The following STOX2 variants were observed in gnomAD, a reference collection of about 807,000 sequenced individuals.
STOX2 encodes the protein storkhead-box protein 2.
STOX2 carries 28 observed loss-of-function variants against 60.9 expected under a neutral mutation model. The observed-to-expected ratio is 0.46, with a 90% confidence interval of 0.34 to 0.63. STOX2 has a LOEUF of 0.63. Among genes scored for constraint, STOX2 ranks in the 30% least tolerant of loss-of-function variants. The pLI is 0.01. For missense variants in STOX2, 1,024 were observed against 1,187.7 expected (o/e 0.86, Z 2.03); for synonymous variants, 472 against 463.9 (o/e 1.02, Z -0.22).
At position 184,011,178 on chromosome 4, in the gene STOX2, C is replaced by T. The variant is rs369886997; in HGVS notation, c.2340C>T (p.Asp780=). ...ACTATTACAACGTCTCTGATGATGA[C>T]GACTCTGAGGAAGGGGCAAACAAGA... is the stretch of plus-strand genomic sequence containing the variant. ...SFDYYNVSDD[D]DSEEGANKNT... The change falls in exon 3 of 4, where the codon GAC becomes GAT. Residue 780 remains aspartate, a synonymous_variant. Coordinates refer to ENST00000308497, the MANE Select transcript of STOX2 (RefSeq NM_020225.3). The surrounding 1 kb of genome is among the most constrained non-coding windows in gnomAD (Gnocchi z 4.4). 4.7e-5 allele frequency: 74 copies of T among 1,588,926 alleles called. No individual in the cohort carries two copies. The highest frequency in any genetic ancestry group is 5.6e-5 in the Non-Finnish European group (66 of 1,169,512).
At chr4:183,946,543 A>G (rs1351492360) in intron 1 of STOX2, among the ~76,000 whole-genome samples, 1 of 152,162 alleles carries the variant, frequency 6.6e-6, no homozygotes, top group African/African-American at 2.4e-5. Flanking sequence ...TATTTGGAAA[A>G]AAAGGCGTTC....
At chr4:183,977,015 T>C (rs977966616) in intron 1 of STOX2, among the ~76,000 whole-genome samples, 8 of 152,138 alleles carry the variant, frequency 5.3e-5, no homozygotes, top group African/African-American at 1.9e-4. Context: ...GTCTGGAAAA[T>C]AGTTCAGTAG....
intron 3 of STOX2, among the ~76,000 whole-genome samples, chr4:184,013,095 A>C: frequency 6.6e-6 from 1 of 152,140 alleles, no homozygotes; most frequent in Non-Finnish European, 1.5e-5. Context: ...GCTCGTTTTA[A>C]ACCTTTCTCC....
rs186571853 is a variant in STOX2 at position 183,872,720 on chromosome 4, T to C, written c.364+74665T>C. Among the ~76,000 whole-genome samples the C allele has an allele frequency of 2.7e-3, 409 of 152,198 alleles. 1 individual carries two copies. Among genetic ancestry groups the C allele is most frequent in the Non-Finnish European group, 3.6e-3 (248 of 67,998 alleles). On this transcript the variant is annotated intron_variant, in intron 1 of 2. Transcript: ENST00000513034. ...TGCTTTGGGCCAATAGCTGAGTAAA[T>C]AAACAAGATAAACCCACGTAAATTG... is the stretch of plus-strand genomic sequence containing the variant.
intron 1 of STOX2, among the ~76,000 whole-genome samples, chr4:183,839,448 T>C (rs1413446254): frequency 6.6e-6 from 1 of 152,194 alleles, no homozygotes; most frequent in Non-Finnish European, 1.5e-5. Flanking sequence ...AACAAAAGTT[T>C]ATTTTTACTC....
At chr4:183,908,118 C>T (rs1264356246) in intron 1 of STOX2, among the ~76,000 whole-genome samples, 3 of 152,150 alleles carry the variant, frequency 2.0e-5, no homozygotes, top group Admixed American at 1.3e-4. Flanking sequence ...CGCATTTCCA[C>T]GAACATAAAG....
At chr4:183,869,667 A>G (rs1267688303) in intron 1 of STOX2, among the ~76,000 whole-genome samples, 1 of 152,210 alleles carries the variant, frequency 6.6e-6, no homozygotes, top group East Asian at 1.9e-4. Context: ...TGGCTTCACT[A>G]ATTCTAAATT....
chr4:183,902,825 G>A (rs1440196880), upstream of STOX2, among the ~76,000 whole-genome samples: 1 of 152,154 alleles, frequency 6.6e-6, no homozygotes, highest in Non-Finnish European at 1.5e-5. Context: ...CATCTGATCC[G>A]ATTCAGCTAA....
At chr4:183,997,248 C>T (rs900772306) in intron 1 of STOX2, among the ~76,000 whole-genome samples, 8 of 152,196 alleles carry the variant, frequency 5.3e-5, no homozygotes, top group African/African-American at 1.4e-4. Flanking sequence ...CATGAAAAGC[C>T]AGTCTTGAAA....
chr4:183,865,524 T>G lies in STOX2; in HGVS notation c.364+67469T>G, dbSNP rs1245695512. ...GGGAGATAAGTATTATAATACAATTTAATAAAAGACCTTGTTAGTAGTATC... is the reference window on the plus strand; with the variant it reads ...GGGAGATAAGTATTATAATACAATTGAATAAAAGACCTTGTTAGTAGTATC... On this transcript the variant is annotated intron_variant, in intron 1 of 2. Transcript: ENST00000513034. This position sits in a 1 kb window ranked among gnomAD's most constrained non-coding sequence, Gnocchi z 4.1. Among the ~76,000 whole-genome samples, 1 of 152,192 alleles carries G rather than the reference T, an allele frequency of 6.6e-6. No homozygotes were observed. Among genetic ancestry groups the G allele is most frequent in the African/African-American group, 2.4e-5 (1 of 41,450 alleles).
rs555094592 is a variant in STOX2 at position 183,944,327 on chromosome 4, T to C, written c.166+37371T>C. Among the ~76,000 whole-genome samples, 7 of 152,372 alleles carry C rather than the reference T, an allele frequency of 4.6e-5. No individual in the cohort carries two copies. In the South Asian group the frequency reaches 6.2e-4, roughly 14 times the overall value. On this transcript the variant is annotated intron_variant, in intron 1 of 3. Coordinates refer to ENST00000308497, the MANE Select transcript of STOX2 (RefSeq NM_020225.3). ...TGGAATAGTTCACGTGGTGCTGATATGTGAGTCTTCCAGACTCAGGTGCAT... is the reference window on the plus strand; with the variant it reads ...TGGAATAGTTCACGTGGTGCTGATACGTGAGTCTTCCAGACTCAGGTGCAT...
In STOX2 at chr4:183,951,193, C is replaced by T. The variant is rs371313495; in HGVS notation, c.166+44237C>T. Reference sequence around the variant, plus strand: ...TCGCGCCACTGCACTCCAGCCTGGGCGACAGAGCGAGACTCCGTCTCAAAA... The same window carrying T: ...TCGCGCCACTGCACTCCAGCCTGGGTGACAGAGCGAGACTCCGTCTCAAAA... On this transcript the variant is annotated intron_variant, in intron 1 of 3. Transcript: ENST00000308497. Among the ~76,000 whole-genome samples, 695 of 143,444 alleles carry T rather than the reference C, an allele frequency of 4.8e-3. 12 individuals are homozygous for T. Among genetic ancestry groups the T allele is most frequent in the Admixed American group, 0.024 (336 of 13,926 alleles). 94.1% of individuals were successfully genotyped at this position (143,444 alleles called of 152,430 possible).
upstream of STOX2, among the ~76,000 whole-genome samples, chr4:183,904,324 C>T (rs911642198): frequency 6.6e-6 from 1 of 152,226 alleles, no homozygotes; most frequent in Admixed American, 6.5e-5. Flanking sequence ...AATATCCAAG[C>T]AGTCCATGGC....
At chr4:183,842,888 G>T (rs1444831184) in intron 1 of STOX2, among the ~76,000 whole-genome samples, 2 of 151,442 alleles carry the variant, frequency 1.3e-5, no homozygotes, top group Non-Finnish European at 2.9e-5. Context: ...GGTGGCTCAC[G>T]CCTGTGATCC....
At chr4:183,945,394 G>A (rs1742860065) in intron 1 of STOX2, among the ~76,000 whole-genome samples, 1 of 151,654 alleles carries the variant, frequency 6.6e-6, no homozygotes, top group Admixed American at 6.6e-5. Context: ...CAAAAGCAAA[G>A]TGACTTAATT....
Position 184,011,772 on chromosome 4 carries a change from CT to C in STOX2, c.2585+354del, listed in dbSNP as rs1201874614. The C allele has an allele frequency of 1.3e-5, 6 of 466,900 alleles. No homozygotes were observed. In the East Asian group the frequency reaches 4.3e-4, roughly 33 times the overall value. 28.9% of individuals were successfully genotyped at this position (466,900 alleles called of 1,614,324 possible). Reference sequence around the variant, plus strand: ...TTTTTAAGTCCTTCAAAAATAGTAACTTTTTGAGTAGAATAAATAGTCTGGG... The same window carrying C: ...TTTTTAAGTCCTTCAAAAATAGTAACTTTTGAGTAGAATAAATAGTCTGGG... On this transcript the variant is annotated intron_variant, in intron 3 of 3. Coordinates refer to ENST00000308497, the MANE Select transcript of STOX2 (RefSeq NM_020225.3). The surrounding 1 kb of genome is among the most constrained non-coding windows in gnomAD (Gnocchi z 4.4).
chr4:183,889,638 C>A (rs1180546825), intron 1 of STOX2, among the ~76,000 whole-genome samples: 2 of 152,224 alleles, frequency 1.3e-5, no homozygotes, highest in African/African-American at 4.8e-5. Flanking sequence ...GAGGCCTTCC[C>A]TTCTTCTGCA....
intron 1 of STOX2, among the ~76,000 whole-genome samples, chr4:183,866,818 G>A (rs144319274): frequency 7.9e-5 from 12 of 152,244 alleles, no homozygotes; most frequent in Admixed American, 2.6e-4. Flanking sequence ...GTTGGAGGCC[G>A]CAGTGAGTGG....
chr4:183,973,403 A>G (rs190618538), intron 1 of STOX2, among the ~76,000 whole-genome samples: 11 of 152,354 alleles, frequency 7.2e-5, no homozygotes, highest in Admixed American at 4.6e-4. Flanking sequence ...CCAATGATAC[A>G]TAACATATAA....
Sources: gnomAD v4.1 joint callset for allele counts (sites outside exome capture counted in the v4.1 genomes callset) on GRCh38, gnomAD v4.1.1 for gene constraint, Gnocchi (gnomAD v3.1) non-coding constraint, MANE v1.5 for transcripts, NCBI Gene and HGNC (gene_info 2026-07-23, HGNC 2026-07-21) for gene names.